The following ABTB3 variants were observed in gnomAD, a reference collection of about 807,000 sequenced individuals.
ABTB3 encodes the protein ankyrin repeat and BTB domain containing 3.
the ABTB3 span, among the ~76,000 whole-genome samples, chr12:107,344,962 AG>A: frequency 6.6e-6 from 1 of 152,210 alleles, no homozygotes; most frequent in African/African-American, 2.4e-5. Flanking sequence ...TGGATTAGAA[AG>A]CACTCAACCT....
the ABTB3 span, among the ~76,000 whole-genome samples, chr12:107,654,834 A>ACACACACACG: frequency 4.5e-3 from 676 of 148,674 alleles, 6 homozygotes; most frequent in Admixed American, 7.7e-3. Flanking sequence ...ACACACACAC[A>ACACACACACG]CACACACACA....
the ABTB3 span, among the ~76,000 whole-genome samples, chr12:107,545,097 GA>G: frequency 6.6e-6 from 1 of 152,196 alleles, no homozygotes; most frequent in African/African-American, 2.4e-5. Flanking sequence ...AGTGGTTTTG[GA>G]AAGCTCATTG....
the ABTB3 span, among the ~76,000 whole-genome samples, chr12:107,458,323 A>C: frequency 6.6e-6 from 1 of 152,228 alleles, no homozygotes; most frequent in Admixed American, 6.5e-5. Context: ...AGTGACTTGC[A>C]TAAGGTCACT....
At chr12:107,608,492 C>T in the ABTB3 span, among the ~76,000 whole-genome samples, 3 of 152,198 alleles carry the variant, frequency 2.0e-5, no homozygotes, top group Non-Finnish European at 4.4e-5. Flanking sequence ...TTTACCCTCA[C>T]ACAACCTGTG....
the ABTB3 span, among the ~76,000 whole-genome samples, chr12:107,574,114 A>G: frequency 5.9e-5 from 9 of 152,334 alleles, no homozygotes; most frequent in Middle Eastern, 3.4e-3. Flanking sequence ...TGGAAGACTA[A>G]ATGAGAATCC....
the ABTB3 span, chr12:107,657,605 T>C: frequency 3.1e-6 from 5 of 1,614,164 alleles, no homozygotes; most frequent in Non-Finnish European, 3.4e-6. Flanking sequence ...GCAGCTCCTG[T>C]ATGACAAAAA....
At chr12:107,493,077 G>T in the ABTB3 span, among the ~76,000 whole-genome samples, 16 of 130,978 alleles carry the variant, frequency 1.2e-4, no homozygotes, top group African/African-American at 5.1e-4. Context: ...AAGCCACAGA[G>T]AAAAGAAAAA....
the ABTB3 span, among the ~76,000 whole-genome samples, chr12:107,515,292 A>G: frequency 1.3e-5 from 2 of 152,230 alleles, no homozygotes; most frequent in African/African-American, 4.8e-5. Context: ...TAGTGCAAAT[A>G]CTAAGAAAGC....
the ABTB3 span, among the ~76,000 whole-genome samples, chr12:107,593,894 C>A: frequency 1.3e-5 from 2 of 152,172 alleles, no homozygotes; most frequent in African/African-American, 4.8e-5. Flanking sequence ...AGATTGCACA[C>A]GTCACTTCCC....
chr12:107,480,259 T>G, the ABTB3 span, among the ~76,000 whole-genome samples: 4 of 152,106 alleles, frequency 2.6e-5, no homozygotes, highest in African/African-American at 9.7e-5. Flanking sequence ...AGCACCTGAT[T>G]GTGGAGGGCA....
At chr12:107,340,410 C>T in the ABTB3 span, among the ~76,000 whole-genome samples, 1 of 152,194 alleles carries the variant, frequency 6.6e-6, no homozygotes, top group Non-Finnish European at 1.5e-5. Context: ...CAGGGCTATG[C>T]AGTTGTTAAC....
At chr12:107,319,750 C>G in the ABTB3 span, 5 of 1,510,430 alleles carry the variant, frequency 3.3e-6, no homozygotes, top group South Asian at 6.1e-5. Flanking sequence ...GCTCGGGCTC[C>G]GGCCCAGGCC....
At chr12:107,489,522 A>AAAACAAAC in the ABTB3 span, among the ~76,000 whole-genome samples, 137 of 152,132 alleles carry the variant, frequency 9.0e-4, 1 homozygote, top group South Asian at 1.7e-3. Flanking sequence ...CCATCTCACA[A>AAAACAAAC]AAACAAACAA....
At chr12:107,397,793 TG>T in the ABTB3 span, among the ~76,000 whole-genome samples, 3 of 152,118 alleles carry the variant, frequency 2.0e-5, no homozygotes, top group Non-Finnish European at 2.9e-5. Flanking sequence ...TAGCGTGAGA[TG>T]GGGGTCTAAT....
the ABTB3 span, among the ~76,000 whole-genome samples, chr12:107,536,716 A>G: frequency 6.6e-6 from 1 of 152,224 alleles, no homozygotes; most frequent in African/African-American, 2.4e-5. Context: ...TGTTATCAAA[A>G]AGAAAAAATA....
At chr12:107,479,087 C>T in the ABTB3 span, among the ~76,000 whole-genome samples, 1 of 152,172 alleles carries the variant, frequency 6.6e-6, no homozygotes, top group Admixed American at 6.5e-5. Context: ...CATACATTTA[C>T]TTTGCCCAGG....
At chr12:107,562,853 CT>C in the ABTB3 span, among the ~76,000 whole-genome samples, 1 of 152,218 alleles carries the variant, frequency 6.6e-6, no homozygotes, top group African/African-American at 2.4e-5. Flanking sequence ...TTAGCACAGC[CT>C]TGTGATTGTT....
At chr12:107,386,100 C>T in the ABTB3 span, among the ~76,000 whole-genome samples, 1 of 152,220 alleles carries the variant, frequency 6.6e-6, no homozygotes, top group Non-Finnish European at 1.5e-5. Context: ...CACAGCTGTT[C>T]TCTCCTGCCT....
the ABTB3 span, among the ~76,000 whole-genome samples, chr12:107,428,336 C>T: frequency 0.028 from 4,207 of 152,250 alleles, 188 homozygotes; most frequent in African/African-American, 0.095. Context: ...CCCAGCATGT[C>T]CTTGGCCATC....
Sources: gnomAD v4.1 joint callset for allele counts (sites outside exome capture counted in the v4.1 genomes callset) on GRCh38, gnomAD v4.1.1 for gene constraint, MANE v1.5 for transcripts, NCBI Gene and HGNC (gene_info 2026-07-23, HGNC 2026-07-21) for gene names.